The following CRACR2A variants were observed in gnomAD, a reference collection of about 807,000 sequenced individuals.
CRACR2A encodes calcium release activated channel regulator 2A.
A neutral mutation model predicts 90.5 loss-of-function variants in CRACR2A; 79 were observed. The observed-to-expected ratio is 0.87, with a 90% confidence interval of 0.73 to 1.05. The LOEUF (loss-of-function observed/expected upper bound fraction) is 1.05, where lower values mean the gene tolerates loss of function less well. CRACR2A is among the 50% of genes least tolerant of loss of function. CRACR2A has a pLI of 0.00. For synonymous variants in CRACR2A, 338 were observed against 356.7 expected (o/e 0.95, Z 0.59); for missense variants, 823 against 897.2 (o/e 0.92, Z 1.06).
At chr12:3,689,691 A>T (rs1328879676) in intron 4 of CRACR2A, among the ~76,000 whole-genome samples, 1 of 151,640 alleles carries the variant, frequency 6.6e-6, no homozygotes, top group East Asian at 1.9e-4. Context: ...TGATATCAGG[A>T]TGATGCTGGC....
At chr12:3,678,832 A>G in intron 6 of CRACR2A, 83 bp downstream of exon 6, 1 of 1,451,318 alleles carries the variant, frequency 6.9e-7, no homozygotes. Context: ...CCACATGGTT[A>G]ACAAATGTTA....
At chr12:3,655,938 C>A (rs1354490448) in intron 9 of CRACR2A, among the ~76,000 whole-genome samples, 1 of 152,152 alleles carries the variant, frequency 6.6e-6, no homozygotes, top group Non-Finnish European at 1.5e-5. Flanking sequence ...TCTGCAGCCT[C>A]CCCCCAGATA....
intron 12 of CRACR2A, among the ~76,000 whole-genome samples, chr12:3,642,676 C>G (rs754868885): frequency 1.3e-5 from 2 of 152,198 alleles, no homozygotes; most frequent in Non-Finnish European, 2.9e-5. Flanking sequence ...CTGTCCTGAG[C>G]TAGCATAAGG....
intron 1 of CRACR2A, among the ~76,000 whole-genome samples, chr12:3,744,443 C>T (rs545485986): frequency 6.6e-6 from 1 of 152,316 alleles, no homozygotes; most frequent in Admixed American, 6.5e-5. Flanking sequence ...TACAATGACA[C>T]CCCTGTCTAG....
At chr12:3,671,140 G>C (rs1591674421) in intron 7 of CRACR2A, among the ~76,000 whole-genome samples, 1 of 152,198 alleles carries the variant, frequency 6.6e-6, no homozygotes, top group East Asian at 1.9e-4. Context: ...AGGGGTACTT[G>C]TTTCTTCCTG....
chr12:3,627,348 A>G (rs1944283888), intron 17 of CRACR2A, 88 bp downstream of exon 17: 1 of 946,824 alleles, frequency 1.1e-6, no homozygotes, highest in African/African-American at 1.7e-5. Context: ...AGATTTTGAA[A>G]ATGCAGAGGC....
In CRACR2A at chr12:3,683,544, TC is replaced by T. The variant is rs779062741; in HGVS notation, c.229-3196del. ...GCCTCACTCTTTCTTCACTCTCAGC[TC>T]CTGCGTCACTTCCTCCGTAAGGCCT... On this transcript the variant is annotated intron_variant, in intron 4 of 19. Transcript: ENST00000440314. Among the ~76,000 whole-genome samples, 5 of 152,304 alleles carry T rather than the reference TC, an allele frequency of 3.3e-5. No homozygotes were observed. The South Asian group carries it at 6.2e-4, about 19-fold the overall frequency.
At chr12:3,713,041 C>A (rs1946029103) in intron 3 of CRACR2A, among the ~76,000 whole-genome samples, 196 bp downstream of exon 3, 1 of 152,048 alleles carries the variant, frequency 6.6e-6, no homozygotes, top group South Asian at 2.1e-4. Context: ...AATAGACCCT[C>A]CATCATCTAG....
At chr12:3,666,505 G>A (rs923179425) in intron 7 of CRACR2A, among the ~76,000 whole-genome samples, 5 of 152,180 alleles carry the variant, frequency 3.3e-5, no homozygotes, top group Admixed American at 1.3e-4. Context: ...AATACAAAGC[G>A]TAGCTTCTGA....
chr12:3,645,450 T>A (rs1465500231), intron 11 of CRACR2A, among the ~76,000 whole-genome samples: 1 of 151,882 alleles, frequency 6.6e-6, no homozygotes, highest in Non-Finnish European at 1.5e-5. Context: ...CACAGCCCTG[T>A]GGGACACTGT....
At chr12:3,688,168 G>A (rs974724348) in intron 4 of CRACR2A, among the ~76,000 whole-genome samples, 5 of 152,130 alleles carry the variant, frequency 3.3e-5, no homozygotes, top group Non-Finnish European at 5.9e-5. Context: ...AGTTTCTTTT[G>A]CTGTGCAGAA....
At chr12:3,663,204 T>G (rs1207862378) in intron 7 of CRACR2A, among the ~76,000 whole-genome samples, 1 of 151,902 alleles carries the variant, frequency 6.6e-6, no homozygotes, top group Non-Finnish European at 1.5e-5. Context: ...AAAACTCAAT[T>G]TACAATTTTG....
intron 17 of CRACR2A, among the ~76,000 whole-genome samples, chr12:3,626,143 C>T (rs1228768230): frequency 6.6e-6 from 1 of 152,190 alleles, no homozygotes; most frequent in East Asian, 1.9e-4. Flanking sequence ...AATCTGGCTT[C>T]CATTTTGTTC....
intron 4 of CRACR2A, among the ~76,000 whole-genome samples, chr12:3,691,761 C>T (rs962412820): frequency 6.6e-6 from 1 of 152,176 alleles, no homozygotes; most frequent in Non-Finnish European, 1.5e-5. Context: ...TTACATTCTC[C>T]CTATCTCTTT....
rs242010 is a variant in CRACR2A, at chr12:3,686,720, A to G, written c.229-6371T>C. On this transcript the variant is annotated intron_variant, in intron 4 of 19. Transcript: ENST00000440314. ...ACCAGACCTAACCCTGCAAAGCAAC[A>G]TCTACCCCAATTCTGTCTGGAGAGA... Among the ~76,000 whole-genome samples, 725 of 152,240 alleles carry G rather than the reference A, an allele frequency of 4.8e-3. 4 individuals are homozygous for G. The highest frequency in any genetic ancestry group is 0.016 in the African/African-American group (671 of 41,514).
chr12:3,705,003 G>T (rs916327851), intron 3 of CRACR2A, among the ~76,000 whole-genome samples: 1 of 152,184 alleles, frequency 6.6e-6, no homozygotes, highest in African/African-American at 2.4e-5. Context: ...AGCCCTGCAT[G>T]AGCTCGGCTG....
chr12:3,625,782 A>G (rs916314742), intron 17 of CRACR2A, among the ~76,000 whole-genome samples: 22 of 151,820 alleles, frequency 1.4e-4, no homozygotes, highest in Non-Finnish European at 2.9e-4. Context: ...GGGGAATGTC[A>G]GTCTGATTCC....
intron 4 of CRACR2A, among the ~76,000 whole-genome samples, chr12:3,693,784 T>C (rs1945692576): frequency 6.6e-6 from 1 of 152,306 alleles, no homozygotes; most frequent in South Asian, 2.1e-4. Flanking sequence ...TTATTATGTG[T>C]CTTGAGGATG....
chr12:3,746,669 T>C lies in CRACR2A; in HGVS notation c.-387+6346A>G, dbSNP rs894921734. On this transcript the variant is annotated intron_variant, in intron 1 of 19. Transcript: ENST00000440314. This position sits in a 1 kb window ranked among gnomAD's most constrained non-coding sequence, Gnocchi z 4.4. ...ACTACAGGGACCACCCCTCTCTTCT[T>C]AGACCAGACCCCCTGCAGGACCCTT... Among the ~76,000 whole-genome samples, 5 of 152,226 alleles carry C rather than the reference T, an allele frequency of 3.3e-5. No homozygotes were observed. The highest frequency in any genetic ancestry group is 9.6e-5 in the African/African-American group (4 of 41,466).
Sources: allele counts gnomAD v4.1 joint callset (sites outside exome capture counted in the v4.1 genomes callset), GRCh38; gene constraint gnomAD v4.1.1; non-coding constraint Gnocchi (gnomAD v3.1); transcripts MANE v1.5; gene names NCBI Gene and HGNC (gene_info 2026-07-23, HGNC 2026-07-21).